Variants in REPS1 observed in about 807,000 individuals in gnomAD.
REPS1 encodes RALBP1 associated Eps domain containing 1, also known as ralBP1-associated Eps domain-containing protein 1.
REPS1 carries 39 observed loss-of-function variants against 100.9 expected under a neutral mutation model. The ratio of observed to expected loss-of-function variants is 0.39; its 90% confidence interval spans 0.30 to 0.50. REPS1 has a LOEUF of 0.50. Among genes scored for constraint, REPS1 ranks in the 20% least tolerant of loss-of-function variants. The probability of loss-of-function intolerance (pLI) is 0.86; values close to 1 mark genes in which losing one functional copy is unlikely to be tolerated. For synonymous variants in REPS1, 324 were observed against 340.3 expected (o/e 0.95, Z 0.53); for missense variants, 821 against 968.5 (o/e 0.85, Z 2.02).
chr6:138,964,418 T>C (rs539196135), intron 1 of REPS1, among the ~76,000 whole-genome samples: 2 of 152,096 alleles, frequency 1.3e-5, no homozygotes, highest in Non-Finnish European at 2.9e-5. Flanking sequence ...AAGAAATATA[T>C]AAAATTCATC....
intron 1 of REPS1, among the ~76,000 whole-genome samples, chr6:138,984,588 G>A (rs990817154): frequency 6.6e-6 from 1 of 152,090 alleles, no homozygotes; most frequent in African/African-American, 2.4e-5. Context: ...AATGTCTCTA[G>A]ACACTGCCAA....
chr6:138,949,415 T>G (rs1782851146), intron 1 of REPS1, among the ~76,000 whole-genome samples: 1 of 152,218 alleles, frequency 6.6e-6, no homozygotes, highest in African/African-American at 2.4e-5. Context: ...ACTGTTAATC[T>G]TCTTTACTCA....
chr6:138,944,464 C>G (rs1360605341), intron 5 of REPS1, 34 bp downstream of exon 5: 2 of 1,601,530 alleles, frequency 1.2e-6, no homozygotes, highest in Non-Finnish European at 1.7e-6. Context: ...CTGAATGAAG[C>G]AAATAAAAAT....
At chr6:138,915,777 A>T in intron 14 of REPS1, 81 bp downstream of exon 14, 2 of 1,068,694 alleles carry the variant, frequency 1.9e-6, no homozygotes, top group South Asian at 2.7e-5. Context: ...CATGTAATAG[A>T]AACAAAAATA....
In REPS1 at chr6:138,943,841, TC is replaced by T; in HGVS notation, c.916+11del. ...GTCCCATCTAGAAGAACTTCTGTTT[TC>T]AACAACTCACCTGGAATAAATCCGT... is the stretch of plus-strand genomic sequence containing the variant. On this transcript the variant is annotated intron_variant, in intron 6 of 19. Transcript: ENST00000450536. 1 of 1,608,932 alleles carries T rather than the reference TC, an allele frequency of 6.2e-7. No individual in the cohort carries two copies. Among genetic ancestry groups the T allele is most frequent in the Non-Finnish European group, 8.5e-7 (1 of 1,177,736 alleles).
At chr6:138,966,173 A>G (rs1784010111) in intron 1 of REPS1, among the ~76,000 whole-genome samples, 1 of 152,152 alleles carries the variant, frequency 6.6e-6, no homozygotes, top group Admixed American at 6.5e-5. Flanking sequence ...GCCCACAATT[A>G]TTCCTAAGTG....
intron 1 of REPS1, among the ~76,000 whole-genome samples, chr6:138,949,593 G>A (rs1286801980): frequency 1.3e-5 from 2 of 152,032 alleles, no homozygotes; most frequent in African/African-American, 2.4e-5. Context: ...AGGTGTGGTG[G>A]TGCGCACTGG....
chr6:138,942,133 CCG>C (rs1411514842), intron 7 of REPS1, among the ~76,000 whole-genome samples: 1 of 152,156 alleles, frequency 6.6e-6, no homozygotes, highest in Non-Finnish European at 1.5e-5. Context: ...GCGTGAGCCA[CCG>C]CACCCGGCTG....
At position 138,904,937 on chromosome 6, in the gene REPS1, T is replaced by C. The variant is rs1779533244; in HGVS notation, c.*127A>G. On this transcript the variant is annotated 3_prime_UTR_variant, in exon 20 of 20. Transcript: ENST00000450536. ...ATACTTAAATACAACGGTGAACATA[T>C]AGGGCAAAACAGAATCATAAAATTT... 1.6e-5 allele frequency: 11 copies of C among 697,558 alleles called. No homozygotes were observed. The highest frequency in any genetic ancestry group is 2.4e-4 in the Middle Eastern group (1 of 4,108). The allele number at this position is 697,558 out of a possible 1,614,324, so 43.2% of individuals were successfully genotyped here.
chr6:138,914,746 C>T lies in REPS1; in HGVS notation c.1736G>A (p.Gly579Glu). The T allele has an allele frequency of 6.2e-7, 1 of 1,611,572 alleles. No homozygotes were observed. The highest frequency in any genetic ancestry group is 1.1e-5 in the South Asian group (1 of 90,356). Residue 579 changes from glycine to glutamate, a missense_variant, in exon 15 of 20, where the codon GGA becomes GAA. Around this residue, in one of 3 missense-constraint regions of REPS1, gnomAD observed 757 missense variants for 866.4 expected, o/e 0.87. Transcript: ENST00000450536. ...FTVTTGQQQA[G>E]VVAHPPAVPP... ...CACTGCAGGAGGATGGGCAACAACT[C>T]CAGCCTGTTGTTGTCCTGCATGAAT...
chr6:138,934,474 T>C (rs1582767220), intron 8 of REPS1: 1 of 346,350 alleles, frequency 2.9e-6, no homozygotes, highest in African/African-American at 2.1e-5. Flanking sequence ...CTACATTTGT[T>C]TTAAGTTTGC....
intron 8 of REPS1, among the ~76,000 whole-genome samples, chr6:138,941,060 T>C (rs1219175077): frequency 6.6e-6 from 1 of 152,050 alleles, no homozygotes; most frequent in African/African-American, 2.4e-5. Flanking sequence ...GATGGCAAAA[T>C]AACAAGACAC....
chr6:138,913,741 ACTC>A (rs1247742182), intron 15 of REPS1, among the ~76,000 whole-genome samples: 20 of 152,080 alleles, frequency 1.3e-4, no homozygotes, highest in African/African-American at 4.8e-4. Flanking sequence ...CCACACATCT[ACTC>A]CTGTTGTGCT....
intron 1 of REPS1, among the ~76,000 whole-genome samples, chr6:138,949,397 T>G (rs1782850233): frequency 6.6e-6 from 1 of 152,178 alleles, no homozygotes; most frequent in Non-Finnish European, 1.5e-5. Context: ...TCTGGCAACT[T>G]TAAATGGACT....
chr6:138,907,311 AAAGTGTGT>A, intron 19 of REPS1, 176 bp downstream of exon 19: 1 of 143,760 alleles, frequency 7.0e-6, no homozygotes, highest in Non-Finnish European at 1.3e-5. Context: ...AAAAAAAAAA[AAAGTGTGT>A]GTGTGTGTGT....
intron 12 of REPS1, among the ~76,000 whole-genome samples, chr6:138,918,733 A>T (rs1196283977): frequency 6.6e-6 from 1 of 152,210 alleles, no homozygotes; most frequent in Admixed American, 6.5e-5. Context: ...CAATAATAAT[A>T]ATTATGAAAT....
At chr6:138,964,913 C>A (rs1004912268) in intron 1 of REPS1, among the ~76,000 whole-genome samples, 10 of 152,116 alleles carry the variant, frequency 6.6e-5, no homozygotes, top group Non-Finnish European at 1.3e-4. Context: ...GTAGAATTCA[C>A]TCTATCTGCT....
At chr6:138,945,166 C>G in intron 4 of REPS1, 53 bp downstream of exon 4, 1 of 1,480,944 alleles carries the variant, frequency 6.8e-7, no homozygotes, top group Non-Finnish European at 9.1e-7. Context: ...CCCAGGAGTG[C>G]AAGACCAGCC....
At chr6:138,963,175 A>G (rs1025581242) in intron 1 of REPS1, among the ~76,000 whole-genome samples, 5 of 152,156 alleles carry the variant, frequency 3.3e-5, no homozygotes, top group Admixed American at 6.5e-5. Context: ...TCCTTCATTC[A>G]TGATACATCT....
Sources: gnomAD v4.1 joint callset for allele counts (sites outside exome capture counted in the v4.1 genomes callset) on GRCh38, gnomAD v4.1.1 for gene constraint, gnomAD v4.1.1 regional missense constraint, MANE v1.5 for transcripts, NCBI Gene and HGNC (gene_info 2026-07-23, HGNC 2026-07-21) for gene names.